CWH43: variants seen among roughly 807,000 people sequenced by gnomAD.
CWH43 encodes cell wall biogenesis 43 C-terminal homolog.
In CWH43, 91 loss-of-function variants were observed where a neutral mutation model predicts 85.7. The observed-to-expected ratio is 1.06, with a 90% CI of 0.90 to 1.26. The LOEUF (loss-of-function observed/expected upper bound fraction) is 1.26. Among genes scored for constraint, CWH43 ranks in the 50% most tolerant of loss-of-function variants. CWH43 has a pLI of 0.00. For missense variants in CWH43, 869 were observed against 839.2 expected, an observed-to-expected ratio of 1.04 and a Z score of -0.44; for synonymous variants, 323 against 293.6, an observed-to-expected ratio of 1.10 and a Z score of -1.02.
chr4:48,990,171 T>C (rs946669377), intron 2 of CWH43, among the ~76,000 whole-genome samples: 3 of 152,168 alleles, frequency 2.0e-5, no homozygotes, highest in African/African-American at 7.2e-5. Context: ...TAAAATAAGT[T>C]TGGGGTAGAT....
Position 48,988,595 on chromosome 4 carries a change from C to T in CWH43, c.162C>T (p.Phe54=), listed in dbSNP as rs766729005. ...GTATAGCATTTCTTTCTCCAATATT[C>T]CTAACAATTACTCCTTTCTGGAAAT... ...GFSIAFLSPI[F]LTITPFWKLV... is the part of the protein sequence containing the mutation. Residue 54 remains phenylalanine, a synonymous_variant, in exon 2 of 16, where the codon TTC becomes TTT. Coordinates refer to ENST00000226432, the MANE Select transcript of CWH43 (RefSeq NM_025087.3). The T allele has an allele frequency of 6.2e-7, 1 of 1,613,378 alleles. No homozygotes were observed. Among genetic ancestry groups the T allele is most frequent in the East Asian group, 2.2e-5 (1 of 44,862 alleles).
chr4:49,039,823 C>T (rs1441594537), intron 13 of CWH43, among the ~76,000 whole-genome samples: 1 of 151,516 alleles, frequency 6.6e-6, no homozygotes. Context: ...TATACATGTG[C>T]CATGTTGGTA....
At chr4:49,001,008 C>G (rs780868112) in intron 6 of CWH43, among the ~76,000 whole-genome samples, 1 of 152,008 alleles carries the variant, frequency 6.6e-6, no homozygotes, top group Non-Finnish European at 1.5e-5. Flanking sequence ...TGTGATTCAT[C>G]TCTGGAAACC....
chr4:48,998,392 C>G, intron 5 of CWH43, 68 bp from the exon 6 acceptor site: 2 of 1,244,928 alleles, frequency 1.6e-6, no homozygotes, highest in South Asian at 2.4e-5. Flanking sequence ...AGGTATATTT[C>G]TATTTTATAT....
intron 7 of CWH43, 109 bp from the exon 8 acceptor site, chr4:49,007,092 A>C (rs1396079936): frequency 2.4e-6 from 3 of 1,269,234 alleles, no homozygotes; most frequent in South Asian, 3.8e-5. Flanking sequence ...AAATCAGTAC[A>C]TGAATTTCCA....
chr4:49,060,875 G>A (rs11725957), intron 15 of CWH43, among the ~76,000 whole-genome samples: 2,826 of 152,126 alleles, frequency 0.019, 33 homozygotes, highest in Non-Finnish European at 0.028. Flanking sequence ...TTTTGTAAAT[G>A]TATGACACAT....
intron 2 of CWH43, among the ~76,000 whole-genome samples, chr4:48,989,399 A>G (rs1184655143): frequency 6.6e-6 from 1 of 152,206 alleles, no homozygotes; most frequent in Non-Finnish European, 1.5e-5. Flanking sequence ...CACAACCTCT[A>G]TGAAGAACAA....
intron 9 of CWH43, among the ~76,000 whole-genome samples, chr4:49,025,567 C>T (rs1389008989): frequency 2.6e-5 from 4 of 152,196 alleles, no homozygotes; most frequent in African/African-American, 9.6e-5. Flanking sequence ...TGGTGCTCTC[C>T]CCTTTTCCCC....
chr4:49,032,963 G>A (rs1318894830), intron 12 of CWH43, among the ~76,000 whole-genome samples: 1 of 152,112 alleles, frequency 6.6e-6, no homozygotes, highest in Non-Finnish European at 1.5e-5. Context: ...CCTGTGCAGG[G>A]GCTGTCCAAA....
chr4:49,033,993 G>A (rs183112107), intron 12 of CWH43, among the ~76,000 whole-genome samples: 1 of 152,186 alleles, frequency 6.6e-6, no homozygotes, highest in Non-Finnish European at 1.5e-5. Flanking sequence ...ACACTATTAT[G>A]TGAATCCGTG....
chr4:49,007,750 T>G lies in CWH43; in HGVS notation c.1186+424T>G, dbSNP rs532759431. Among the ~76,000 whole-genome samples the G allele has an allele frequency of 3.0e-4, 45 of 152,260 alleles. 1 individual carries two copies. In the South Asian group the frequency reaches 6.2e-3, roughly 21 times the overall value. On this transcript the variant is annotated intron_variant, in intron 8 of 15. Coordinates refer to ENST00000226432, the MANE Select transcript of CWH43 (RefSeq NM_025087.3). ...GTTTGGTTTGTTGTCCTTGTGATAG[T>G]TTGCTGAGAATGATGTTTCCAGCTT...
intron 9 of CWH43, among the ~76,000 whole-genome samples, chr4:49,027,812 G>A (rs1199628911): frequency 6.6e-6 from 1 of 151,906 alleles, no homozygotes; most frequent in Non-Finnish European, 1.5e-5. Flanking sequence ...ATTAACCATT[G>A]CCACCTCCCT....
intron 12 of CWH43, among the ~76,000 whole-genome samples, chr4:49,033,158 A>T (rs1441080829): frequency 1.3e-5 from 2 of 152,164 alleles, no homozygotes; most frequent in Non-Finnish European, 2.9e-5. Flanking sequence ...AATAAACCAG[A>T]CAACAGAAAA....
chr4:49,005,563 C>CTT (rs1267997352), intron 7 of CWH43, among the ~76,000 whole-genome samples: 9 of 127,938 alleles, frequency 7.0e-5, no homozygotes, highest in African/African-American at 1.1e-4. Context: ...TTTTTTTTTT[C>CTT]TTTTTTTTTT....
At chr4:49,016,671 G>A (rs1783557672) in intron 8 of CWH43, 2 of 762,122 alleles carry the variant, frequency 2.6e-6, no homozygotes, top group Non-Finnish European at 4.9e-6. Flanking sequence ...CAGTTACTGG[G>A]CTTCTGGGCT....
intron 7 of CWH43, among the ~76,000 whole-genome samples, chr4:49,006,412 T>C (rs17576601): frequency 0.02 from 3,118 of 152,346 alleles, 58 homozygotes; most frequent in Middle Eastern, 0.041. Context: ...GAGTGGCTTT[T>C]AATACAACTG....
chr4:49,048,889 C>T (rs553632417), intron 14 of CWH43, among the ~76,000 whole-genome samples: 1 of 152,260 alleles, frequency 6.6e-6, no homozygotes, highest in South Asian at 2.1e-4. Context: ...CAGTTTCTGT[C>T]CACAAAACTA....
At chr4:49,015,795 T>C (rs1783524711) in intron 8 of CWH43, among the ~76,000 whole-genome samples, 1 of 152,194 alleles carries the variant, frequency 6.6e-6, no homozygotes, top group African/African-American at 2.4e-5. Flanking sequence ...TTGATTGTCT[T>C]TGAGTTTCTA....
intron 9 of CWH43, among the ~76,000 whole-genome samples, chr4:49,018,175 T>C (rs1783621705): frequency 6.6e-6 from 1 of 152,148 alleles, no homozygotes; most frequent in African/African-American, 2.4e-5. Flanking sequence ...GAGAACTCAC[T>C]CTTTCACTAT....
Sources: gnomAD v4.1 joint callset for allele counts (sites outside exome capture counted in the v4.1 genomes callset) on GRCh38, gnomAD v4.1.1 for gene constraint, MANE v1.5 for transcripts, NCBI Gene and HGNC (gene_info 2026-07-23, HGNC 2026-07-21) for gene names.